OTOA: variants seen among roughly 807,000 people sequenced by gnomAD.
OTOA encodes cancer/testis antigen 108.
In OTOA, 70 loss-of-function variants were observed where a neutral mutation model predicts 110.8. The observed-to-expected ratio is 0.63, with a 90% CI of 0.52 to 0.77. OTOA has a LOEUF of 0.77. Ranked by LOEUF, OTOA falls within the 30% of genes least tolerant of loss-of-function variation. The pLI is 0.00. For missense variants in OTOA, 917 were observed against 1,075.8 expected (o/e 0.85, Z 2.06); for synonymous variants, 373 against 431.5 (o/e 0.86, Z 1.68).
chr16:21,703,294 A>G (rs1293194020), intron 11 of OTOA, among the ~76,000 whole-genome samples: 1 of 152,144 alleles, frequency 6.6e-6, no homozygotes, highest in Non-Finnish European at 1.5e-5. Context: ...GGTACCAACC[A>G]TTCTAAGGCT....
chr16:21,759,028 C>A (rs1413882255), intron 28 of OTOA, among the ~76,000 whole-genome samples: 1 of 151,912 alleles, frequency 6.6e-6, no homozygotes, highest in Non-Finnish European at 1.5e-5. Flanking sequence ...ACAAAAAAAA[C>A]TTTCCATTGA....
intron 1 of OTOA, among the ~76,000 whole-genome samples, chr16:21,677,778 G>T (rs543997549): frequency 6.6e-6 from 1 of 151,982 alleles, no homozygotes; most frequent in African/African-American, 2.4e-5. Flanking sequence ...CACTGCGCCT[G>T]GCCAACTTCA....
Position 21,728,328 on chromosome 16 carries a change from T to A in OTOA, c.2104T>A (p.Ser702Thr), listed in dbSNP as rs774777334. Residue 702 changes from serine to threonine, a missense_variant, in exon 20 of 29, where the codon TCC becomes ACC. By Grantham distance (58) the Ser-to-Thr change is moderately conservative. Coordinates refer to ENST00000646100, the MANE Select transcript of OTOA (RefSeq NM_144672.4). ...GGCAGCCATCATCGACAGGGGGATCTCCCCCAGGGCTTGGGCGACTGCTCT... is the reference window on the plus strand; with the variant it reads ...GGCAGCCATCATCGACAGGGGGATCACCCCCAGGGCTTGGGCGACTGCTCT... Reference protein sequence around the residue: ...LPAAIIDRGISPRAWATALHG... With the variant: ...LPAAIIDRGITPRAWATALHG... 1 of 1,614,078 alleles carries A rather than the reference T, an allele frequency of 6.2e-7. No individual in the cohort carries two copies. The highest frequency in any genetic ancestry group is 8.5e-7 in the Non-Finnish European group (1 of 1,179,998).
chr16:21,756,323 T>G lies in OTOA; in HGVS notation c.3154-759T>G, dbSNP rs1222561466. On this transcript the variant is annotated intron_variant, in intron 27 of 28. Coordinates refer to ENST00000646100, the MANE Select transcript of OTOA (RefSeq NM_144672.4). ...GATATCACCAATAGATGACTGCATT[T>G]TCCCTCCATGGAGCCCTCACAGAGC... is the stretch of plus-strand genomic sequence containing the variant. Among the ~76,000 whole-genome samples, 2 of 152,008 alleles carry G rather than the reference T, an allele frequency of 1.3e-5. 1 individual carries two copies. The highest frequency in any genetic ancestry group is 2.9e-5 in the Non-Finnish European group (2 of 67,998).
intron 1 of OTOA, among the ~76,000 whole-genome samples, chr16:21,675,805 A>G (rs754372218): frequency 8.5e-5 from 13 of 152,222 alleles, no homozygotes; most frequent in Non-Finnish European, 1.8e-4. Flanking sequence ...TTTATAATAA[A>G]CATCCTTGTC....
intron 24 of OTOA, among the ~76,000 whole-genome samples, chr16:21,749,851 T>C (rs1351057599): frequency 1.4e-5 from 2 of 139,376 alleles, no homozygotes; most frequent in East Asian, 4.6e-4. Flanking sequence ...GCCTGGCTAA[T>C]TTTTGTATTT....
At chr16:21,722,874 A>G (rs1898800236) in intron 17 of OTOA, 31 bp from the exon 18 acceptor site, 1 of 1,598,832 alleles carries the variant, frequency 6.3e-7, no homozygotes, top group Non-Finnish European at 8.6e-7. Flanking sequence ...TTCTTACTGC[A>G]TTAAATCCCC....
intron 12 of OTOA, among the ~76,000 whole-genome samples, chr16:21,706,584 TC>T (rs1898175247): frequency 6.6e-6 from 1 of 152,180 alleles, no homozygotes; most frequent in African/African-American, 2.4e-5. Context: ...TCTCTCATTT[TC>T]CTTCCTCTCC....
At position 21,719,154 on chromosome 16, in the gene OTOA, C is replaced by T. The variant is rs528442927; in HGVS notation, c.1651C>T (p.Leu551=). Residue 551 remains leucine, a synonymous_variant, in exon 16 of 29, where the codon CTG becomes TTG. Transcript: ENST00000646100. ...RSQALFLYEL[L]LKTTRRPEEL... is the part of the protein sequence containing the mutation. ...GCAGGCTCTGTTCCTGTATGAGCTT[C>T]TGTTAAAGACCACCAGAAGGCCTGA... is the stretch of plus-strand genomic sequence containing the variant. The T allele has an allele frequency of 6.2e-7, 1 of 1,614,014 alleles. No individual in the cohort carries two copies. Among genetic ancestry groups the T allele is most frequent in the African/African-American group, 1.3e-5 (1 of 75,038 alleles).
intron 22 of OTOA, among the ~76,000 whole-genome samples, chr16:21,736,759 A>G (rs1899314818): frequency 6.6e-6 from 1 of 152,148 alleles, no homozygotes; most frequent in South Asian, 2.1e-4. Context: ...TGAACCCAGG[A>G]GGTGAAGGTT....
At chr16:21,697,928 A>C in intron 10 of OTOA, 53 bp downstream of exon 10, 2 of 1,462,820 alleles carry the variant, frequency 1.4e-6, no homozygotes, top group Non-Finnish European at 1.9e-6. Context: ...ACTTGGGGTA[A>C]GGTGTATTCT....
At chr16:21,671,670 A>G (rs1966849354) in intron 1 of OTOA, among the ~76,000 whole-genome samples, 2 of 151,868 alleles carry the variant, frequency 1.3e-5, no homozygotes, top group African/African-American at 4.8e-5. Context: ...AGTGGCGGAG[A>G]CGTGATTCAG....
chr16:21,726,768 T>C, intron 19 of OTOA, 110 bp downstream of exon 19: 7 of 1,451,482 alleles, frequency 4.8e-6, no homozygotes, highest in Non-Finnish European at 6.7e-6. Flanking sequence ...TGGCCAGAAG[T>C]CTGACTGGTG....
At chr16:21,674,096 C>T (rs921625559) in intron 1 of OTOA, among the ~76,000 whole-genome samples, 5 of 151,562 alleles carry the variant, frequency 3.3e-5, no homozygotes, top group African/African-American at 4.9e-5. Context: ...CATGCCCAGC[C>T]TGTGTACAGG....
chr16:21,720,300 C>T (rs1426809949), intron 17 of OTOA, among the ~76,000 whole-genome samples: 1 of 152,130 alleles, frequency 6.6e-6, no homozygotes, highest in Non-Finnish European at 1.5e-5. Context: ...ACAGGCCTTA[C>T]AGCATTTGAA....
At chr16:21,674,239 T>TA (rs1468862913) in intron 1 of OTOA, among the ~76,000 whole-genome samples, 2 of 152,210 alleles carry the variant, frequency 1.3e-5, no homozygotes, top group African/African-American at 4.8e-5. Context: ...TGTACCACCT[T>TA]ATATTCTCAT....
At chr16:21,737,835 T>C (rs1200702015) in intron 22 of OTOA, among the ~76,000 whole-genome samples, 1 of 152,310 alleles carries the variant, frequency 6.6e-6, no homozygotes, top group Non-Finnish European at 1.5e-5. Context: ...AGATATTTTA[T>C]TATTATTACC....
intron 28 of OTOA, among the ~76,000 whole-genome samples, chr16:21,758,857 C>G (rs1192848290): frequency 2.0e-5 from 3 of 151,626 alleles, no homozygotes; most frequent in African/African-American, 4.9e-5. Flanking sequence ...CAAAAATTAG[C>G]CGGGTGTGGT....
intron 18 of OTOA, among the ~76,000 whole-genome samples, chr16:21,725,248 A>T (rs1270971263): frequency 1.3e-5 from 2 of 152,076 alleles, no homozygotes; most frequent in Non-Finnish European, 2.9e-5. Flanking sequence ...AATAAATAAG[A>T]CAGTGGTACT....
Sources: gnomAD v4.1 joint callset for allele counts (sites outside exome capture counted in the v4.1 genomes callset) on GRCh38, gnomAD v4.1.1 for gene constraint, MANE v1.5 for transcripts, NCBI Gene and HGNC (gene_info 2026-07-23, HGNC 2026-07-21) for gene names.